Variants in ATXN10 observed in about 807,000 individuals in gnomAD.
ATXN10 encodes the protein ataxin-10.
In ATXN10, 28 loss-of-function variants were observed where a neutral mutation model predicts 52.9. The ratio of observed to expected loss-of-function variants is 0.53; its 90% CI spans 0.39 to 0.73. The LOEUF (loss-of-function observed/expected upper bound fraction) is 0.73. Ranked by LOEUF, ATXN10 falls within the 30% of genes least tolerant of loss-of-function variation. The pLI, the probability that ATXN10 is intolerant of heterozygous loss-of-function variation, is 0.00. For missense variants in ATXN10, 565 were observed against 577.0 expected, an observed-to-expected ratio of 0.98 and a Z score of 0.21; for synonymous variants, 226 against 221.5, an observed-to-expected ratio of 1.02 and a Z score of -0.18.
rs1192478581 is a variant in ATXN10 at position 45,769,500 on chromosome 22, G to T, written c.1173+28962G>T. Among the ~76,000 whole-genome samples the T allele has an allele frequency of 2.6e-5, 4 of 152,088 alleles. No individual in the cohort carries two copies. The highest frequency in any genetic ancestry group is 5.9e-5 in the Non-Finnish European group (4 of 68,016). ...TTGGAAAAGAGGTCACCGTGGAGTT[G>T]GGCCTTGAGGAATGGTGGGTAGCAG... On this transcript the variant is annotated intron_variant, in intron 9 of 11. Transcript: ENST00000252934. This position sits in a 1 kb window ranked among gnomAD's most constrained non-coding sequence, Gnocchi z 4.2.
chr22:45,677,711 G>A lies in ATXN10; in HGVS notation c.116+5532G>A, dbSNP rs1408016667. On this transcript the variant is annotated intron_variant, in intron 1 of 11. Transcript: ENST00000252934. The surrounding 1 kb of genome is among the most constrained non-coding windows in gnomAD (Gnocchi z 4.1). Reference sequence around the variant, plus strand: ...TAAAGGCCAATAAGCGTATGATAAAGTGCTCCAAATCACTAGTTATTAGGG... The same window carrying A: ...TAAAGGCCAATAAGCGTATGATAAAATGCTCCAAATCACTAGTTATTAGGG... 6.6e-6 allele frequency: 1 copy of A among 152,168 alleles called. No individual in the cohort carries two copies. Among genetic ancestry groups the A allele is most frequent in the Non-Finnish European group, 1.5e-5 (1 of 68,032 alleles). The allele number at this position is 152,168 out of a possible 1,614,324, so 9.4% of individuals were successfully genotyped here.
chr22:45,689,757 A>C lies in ATXN10; in HGVS notation c.162A>C (p.Leu54=). 1 of 1,614,212 alleles carries C rather than the reference A, an allele frequency of 6.2e-7. No individual in the cohort carries two copies. The highest frequency in any genetic ancestry group is 8.5e-7 in the Non-Finnish European group (1 of 1,180,046). Residue 54 remains leucine, a synonymous_variant, in exon 2 of 12, where the codon CTA becomes CTC. Coordinates refer to ENST00000252934, the MANE Select transcript of ATXN10 (RefSeq NM_013236.4). ...RTIFQRVLDI[L]KKSSHAVELA... is the part of the protein sequence containing the mutation. ...TCTTCCAAAGAGTTCTGGATATCCTAAAGAAATCTTCTCATGCTGTTGAGC... is the reference window on the plus strand; with the variant it reads ...TCTTCCAAAGAGTTCTGGATATCCTCAAGAAATCTTCTCATGCTGTTGAGC...
At chr22:45,830,708 A>C (rs1249503760) in intron 10 of ATXN10, among the ~76,000 whole-genome samples, 1 of 151,438 alleles carries the variant, frequency 6.6e-6, no homozygotes, top group African/African-American at 2.4e-5. Flanking sequence ...AAAAAAAAAA[A>C]CAAGTCTTGG....
chr22:45,773,403 G>A (rs1926841173), intron 9 of ATXN10, among the ~76,000 whole-genome samples: 1 of 151,568 alleles, frequency 6.6e-6, no homozygotes, highest in Admixed American at 6.6e-5. Context: ...CTTCTCTGTG[G>A]GGGTTAAATG....
rs559896069 is a variant in ATXN10 at position 45,829,884 on chromosome 22, A to G, written c.1238-13107A>G. 1.4e-4 allele frequency among the ~76,000 whole-genome samples: 22 copies of G among 152,320 alleles called. No homozygotes were observed. The South Asian group carries it at 3.7e-3, about 26-fold the overall frequency. ...TAGAAAAACCCATTCCAAACTTCAT[A>G]TGGAATCCCAAGGGACATTGAATAG... On this transcript the variant is annotated intron_variant, in intron 10 of 11. Coordinates refer to ENST00000252934, the MANE Select transcript of ATXN10 (RefSeq NM_013236.4).
chr22:45,671,872 G>A lies in ATXN10; in HGVS notation c.-192G>A, dbSNP rs897684007. 5.0e-6 allele frequency: 3 copies of A among 597,224 alleles called. No individual in the cohort carries two copies. Among genetic ancestry groups the A allele is most frequent in the South Asian group, 2.1e-5 (1 of 48,400 alleles). 37.0% of individuals were successfully genotyped at this position (597,224 alleles called of 1,614,324 possible). A position where few individuals can be genotyped will look rare whatever the true frequency, so the allele number is the denominator to read the frequency against. On this transcript the variant is annotated 5_prime_UTR_variant, in exon 1 of 12. Transcript: ENST00000252934. ...CCCGCCTGAGGCGAGTCTGGGCTCA[G>A]CCTAGAGCTCTCCGGCGGCGGCGCA... is the stretch of plus-strand genomic sequence containing the variant.
chr22:45,776,859 A>T (rs1205814940), intron 9 of ATXN10, among the ~76,000 whole-genome samples: 3 of 152,180 alleles, frequency 2.0e-5, no homozygotes, highest in Admixed American at 2.0e-4. Flanking sequence ...TGATTCTGAG[A>T]CAAGAGTTTT....
At chr22:45,746,899 TTAA>T (rs912543458) in intron 9 of ATXN10, among the ~76,000 whole-genome samples, 15 of 152,338 alleles carry the variant, frequency 9.8e-5, no homozygotes, top group African/African-American at 3.6e-4. Flanking sequence ...TTGGTTTTAC[TTAA>T]TAAGTGTTTA....
chr22:45,706,913 A>G (rs1924063225), intron 5 of ATXN10, among the ~76,000 whole-genome samples: 2 of 152,044 alleles, frequency 1.3e-5, no homozygotes, highest in Admixed American at 6.5e-5. Context: ...TGTTGTTTAA[A>G]TCTTCTGTTT....
In ATXN10 at chr22:45,795,659, A is replaced by G. The variant is rs1927709105; in HGVS notation, c.1174-11300A>G. On this transcript the variant is annotated intron_variant, in intron 9 of 11. Transcript: ENST00000252934. This position sits in a 1 kb window ranked among gnomAD's most constrained non-coding sequence, Gnocchi z 4.6. ...CTGGCTGAAGCCATGGCAGAAGAAC[A>G]TAAATTGTTAAGATTTCATGGACAT... 6.6e-6 allele frequency among the ~76,000 whole-genome samples: 1 copy of G among 152,196 alleles called. No individual in the cohort carries two copies. Among genetic ancestry groups the G allele is most frequent in the Admixed American group, 6.5e-5 (1 of 15,274 alleles).
rs188101956 is a variant in ATXN10, at chr22:45,826,331, A to G, written c.1238-16660A>G. Among the ~76,000 whole-genome samples the G allele has an allele frequency of 6.6e-6, 1 of 152,356 alleles. No homozygotes were observed. Among genetic ancestry groups the G allele is most frequent in the African/African-American group, 2.4e-5 (1 of 41,596 alleles). On this transcript the variant is annotated intron_variant, in intron 10 of 11. Transcript: ENST00000252934. The surrounding 1 kb of genome is among the most constrained non-coding windows in gnomAD (Gnocchi z 5.0). ...GTGGAACACCATCAAGCCAACCAACATACGCATTGTGGGAAACAAGGAAAA... is the reference window on the plus strand; with the variant it reads ...GTGGAACACCATCAAGCCAACCAACGTACGCATTGTGGGAAACAAGGAAAA...
rs770760575 is a variant in ATXN10 at position 45,843,164 on chromosome 22, G to A, written c.1411G>A (p.Asp471Asn). Residue 471 changes from aspartate (D) to asparagine (N), a missense_variant, in exon 11 of 12, where the codon GAC (aspartate) becomes AAC (asparagine). Physicochemically the swap from Asp to Asn is conservative, Grantham distance 23. Coordinates refer to ENST00000252934, the MANE Select transcript of ATXN10 (RefSeq NM_013236.4). The surrounding 1 kb of genome is among the most constrained non-coding windows in gnomAD (Gnocchi z 4.5). The part of the protein sequence containing the change: ...GEKLILKSTR[D>N]TPKP ...AAAGCTGATCCTGAAATCTACTAGA[G>A]ACACCCCTAAGCCAGTAAGTACCCT... 2 of 1,613,978 alleles carry A rather than the reference G, an allele frequency of 1.2e-6. No homozygotes were observed. Among genetic ancestry groups the A allele is most frequent in the Non-Finnish European group, 8.5e-7 (1 of 1,179,888 alleles).
chr22:45,788,492 A>G (rs1416659462), intron 9 of ATXN10, among the ~76,000 whole-genome samples: 3 of 151,542 alleles, frequency 2.0e-5, no homozygotes, highest in Non-Finnish European at 2.9e-5. Flanking sequence ...CTGCTGTCGC[A>G]GGCTTCAGGC....
At chr22:45,723,124 CATATGTGTGTGTGTGTTTATATATAT>C (rs1924723038) in intron 6 of ATXN10, among the ~76,000 whole-genome samples, 1 of 151,614 alleles carries the variant, frequency 6.6e-6, no homozygotes, top group Non-Finnish European at 1.5e-5. Flanking sequence ...CCTTGAAAGT[CATATGTGTGTGTGTGTTTATATATAT>C]ATATGTGTGT....
intron 9 of ATXN10, chr22:45,792,714 C>T: frequency 2.6e-6 from 1 of 385,500 alleles, no homozygotes; most frequent in South Asian, 2.3e-5. Context: ...TGCTTTAATT[C>T]AGTCTTTTTT....
chr22:45,811,929 A>T, intron 10 of ATXN10: 1 of 382,258 alleles, frequency 2.6e-6, no homozygotes, highest in South Asian at 2.0e-5. Flanking sequence ...TAGACGGCCC[A>T]TCATCCTCAG....
rs1305731035 is a variant in ATXN10, at chr22:45,842,831, C to T, written c.1238-160C>T. Among the ~76,000 whole-genome samples the T allele has an allele frequency of 1.3e-5, 2 of 152,188 alleles. No individual in the cohort carries two copies. Among genetic ancestry groups the T allele is most frequent in the African/African-American group, 2.4e-5 (1 of 41,450 alleles). ...GCGTTGCCTCTTTTTAATGTGTTTG[C>T]ACTTGAGATGCATATTCAGAGAATG... On this transcript the variant is annotated intron_variant, in intron 10 of 11. Transcript: ENST00000252934. The surrounding 1 kb of genome is among the most constrained non-coding windows in gnomAD (Gnocchi z 4.8).
At position 45,824,776 on chromosome 22, in the gene ATXN10, A is replaced by C. The variant is rs573461315; in HGVS notation, c.1237+17754A>C. ...ATCTAGCTTTTTCTGTGATACCCAG[A>C]ATCTATAACCTGTCTTTGTTGACCT... On this transcript the variant is annotated intron_variant, in intron 10 of 11. Transcript: ENST00000252934. The surrounding 1 kb of genome is among the most constrained non-coding windows in gnomAD (Gnocchi z 5.2). Among the ~76,000 whole-genome samples, 1 of 152,336 alleles carries C rather than the reference A, an allele frequency of 6.6e-6. No homozygotes were observed. Among genetic ancestry groups the C allele is most frequent in the South Asian group, 2.1e-4 (1 of 4,832 alleles).
In ATXN10 at chr22:45,843,714, T is replaced by C. The variant is rs1225045802; in HGVS notation, c.*43T>C. 2 of 1,593,354 alleles carry C rather than the reference T, an allele frequency of 1.3e-6. No homozygotes were observed. The highest frequency in any genetic ancestry group is 3.3e-5 in the Admixed American group (2 of 59,760). On this transcript the variant is annotated 3_prime_UTR_variant, in exon 12 of 12. Coordinates refer to ENST00000252934, the MANE Select transcript of ATXN10 (RefSeq NM_013236.4). This position sits in a 1 kb window ranked among gnomAD's most constrained non-coding sequence, Gnocchi z 4.5. ...ACCTGAATTTTTGGAATCTGTTTCA[T>C]GGATTTTTCATCTTCTACCGTATGT...
Sources: gnomAD v4.1 joint callset for allele counts (sites outside exome capture counted in the v4.1 genomes callset) on GRCh38, gnomAD v4.1.1 for gene constraint, Gnocchi (gnomAD v3.1) non-coding constraint, MANE v1.5 for transcripts, NCBI Gene and HGNC (gene_info 2026-07-23, HGNC 2026-07-21) for gene names.